Variants in KAZN observed in about 807,000 individuals in gnomAD.
KAZN encodes the protein kazrin.
In KAZN, 40 loss-of-function variants were observed where a neutral mutation model predicts 87.4. That is an observed-to-expected ratio of 0.46 (90% confidence interval 0.36 to 0.60). The LOEUF (loss-of-function observed/expected upper bound fraction) is 0.60, where lower values mean the gene tolerates loss of function less well. Ranked by LOEUF, KAZN falls within the 20% of genes least tolerant of loss-of-function variation. The pLI, the probability that KAZN is intolerant of heterozygous loss-of-function variation, is 0.00. For synonymous variants in KAZN, 466 were observed against 458.3 expected, an observed-to-expected ratio of 1.02 and a Z score of -0.22; for missense variants, 898 against 1,073.9, an observed-to-expected ratio of 0.84 and a Z score of 2.29.
chr1:14,055,403 G>T (rs1642506112), intron 1 of KAZN, among the ~76,000 whole-genome samples: 1 of 152,212 alleles, frequency 6.6e-6, no homozygotes, highest in South Asian at 2.1e-4. Flanking sequence ...GTGGGTGCAT[G>T]ATATATGTGT....
At chr1:14,087,681 A>T (rs1570707214) in intron 1 of KAZN, among the ~76,000 whole-genome samples, 1 of 151,966 alleles carries the variant, frequency 6.6e-6, no homozygotes. Flanking sequence ...TTAAAATTTT[A>T]AAATTATTTT....
At chr1:15,028,748 A>G (rs1367883493) in intron 2 of KAZN, among the ~76,000 whole-genome samples, 1 of 152,170 alleles carries the variant, frequency 6.6e-6, no homozygotes, top group African/African-American at 2.4e-5. Flanking sequence ...CTTGGTCATT[A>G]GCCTGGCAGA....
At chr1:14,007,417 C>T (rs773670474) in intron 1 of KAZN, among the ~76,000 whole-genome samples, 10 of 152,114 alleles carry the variant, frequency 6.6e-5, no homozygotes, top group Non-Finnish European at 1.5e-4. Flanking sequence ...GATTAACTGT[C>T]TATGGCCAGC....
In KAZN at chr1:14,820,693, C is replaced by A. The variant is rs1019673794; in HGVS notation, c.227-139991C>A. On this transcript the variant is annotated intron_variant, in intron 1 of 14. Transcript: ENST00000376030. This position sits in a 1 kb window ranked among gnomAD's most constrained non-coding sequence, Gnocchi z 4.1. ...GAAGGCCCCAGCAAGGGAGGTATTC[C>A]TGTCTTGAGCAGAAGGTAAAGGTAG... is the stretch of plus-strand genomic sequence containing the variant. 3.3e-5 allele frequency among the ~76,000 whole-genome samples: 5 copies of A among 152,184 alleles called. No homozygotes were observed. Among genetic ancestry groups the A allele is most frequent in the Non-Finnish European group, 4.4e-5 (3 of 68,030 alleles).
In KAZN at chr1:15,101,769, A is replaced by C. The variant is rs1340731004; in HGVS notation, c.1774A>C (p.Arg592=). The C allele has an allele frequency of 1.3e-6, 2 of 1,571,194 alleles. No individual in the cohort carries two copies. Among genetic ancestry groups the C allele is most frequent in the Admixed American group, 1.9e-5 (1 of 53,976 alleles). ...IELLYQVNFS[R]EALQERRARC... ...GCTGCTGTACCAAGTGAACTTCAGC[A>C]GGGAGGTGAGGACCAGGGCACAGGG... The change falls in exon 11 of 15, where the codon AGG becomes CGG. Residue 592 remains arginine, a synonymous_variant. Transcript: ENST00000376030.
chr1:14,122,305 A>G (rs932782509), intron 1 of KAZN, among the ~76,000 whole-genome samples: 1 of 152,226 alleles, frequency 6.6e-6, no homozygotes. Flanking sequence ...AAACTTGAGT[A>G]ATTCAATAAA....
chr1:14,388,194 CCT>C (rs1467043349), intron 2 of KAZN, among the ~76,000 whole-genome samples: 1 of 152,122 alleles, frequency 6.6e-6, no homozygotes, highest in Non-Finnish European at 1.5e-5. Flanking sequence ...GCGAGCACCC[CCT>C]GACCTGCGCC....
chr1:14,925,288 G>C (rs1028485159), intron 1 of KAZN, among the ~76,000 whole-genome samples: 4 of 152,280 alleles, frequency 2.6e-5, no homozygotes, highest in Admixed American at 6.5e-5. Flanking sequence ...AGGAACCCCT[G>C]CGTCATCTTG....
chr1:14,088,243 C>T (rs924790620), intron 1 of KAZN, among the ~76,000 whole-genome samples: 4 of 151,628 alleles, frequency 2.6e-5, no homozygotes, highest in African/African-American at 7.3e-5. Context: ...TGATCTTAGA[C>T]CCTTCTTCTT....
intron 1 of KAZN, among the ~76,000 whole-genome samples, chr1:13,902,599 A>G (rs907824478): frequency 6.6e-6 from 1 of 152,214 alleles, no homozygotes; most frequent in African/African-American, 2.4e-5. Context: ...GCAAAAATAC[A>G]GGTAGGTAGA....
chr1:14,411,199 G>A (rs1664278433), intron 2 of KAZN, among the ~76,000 whole-genome samples: 2 of 152,148 alleles, frequency 1.3e-5, no homozygotes, highest in African/African-American at 4.8e-5. Context: ...AAACTTTAAT[G>A]TAGCCCAGAA....
At chr1:14,484,706 G>A (rs1197920715) in intron 2 of KAZN, among the ~76,000 whole-genome samples, 1 of 152,196 alleles carries the variant, frequency 6.6e-6, no homozygotes, top group Non-Finnish European at 1.5e-5. Flanking sequence ...CATGGCTGCG[G>A]TCAGCTGCAG....
chr1:14,466,977 A>G (rs930971774), intron 2 of KAZN, among the ~76,000 whole-genome samples: 7 of 152,238 alleles, frequency 4.6e-5, no homozygotes, highest in Non-Finnish European at 1.0e-4. Flanking sequence ...TCAAAAAAAA[A>G]TTAATTAAAT....
chr1:14,592,837 C>G (rs560650669), intron 2 of KAZN, among the ~76,000 whole-genome samples: 1 of 152,202 alleles, frequency 6.6e-6, no homozygotes, highest in Non-Finnish European at 1.5e-5. Flanking sequence ...GTCCCACGTA[C>G]GGATTCCTGG....
intron 2 of KAZN, among the ~76,000 whole-genome samples, chr1:14,317,567 T>C (rs1655741473): frequency 6.6e-6 from 1 of 152,024 alleles, no homozygotes; most frequent in Admixed American, 6.6e-5. Flanking sequence ...ATTATTTTGC[T>C]ATGTGTTTTC....
At chr1:14,281,042 AC>A (rs1054449300) in intron 2 of KAZN, among the ~76,000 whole-genome samples, 1 of 152,212 alleles carries the variant, frequency 6.6e-6, no homozygotes, top group Non-Finnish European at 1.5e-5. Context: ...AGCTTGGAAC[AC>A]TGAATGTTTG....
intron 2 of KAZN, among the ~76,000 whole-genome samples, chr1:14,229,259 T>C (rs1394702613): frequency 1.3e-5 from 2 of 152,210 alleles, no homozygotes; most frequent in African/African-American, 4.8e-5. Context: ...ACAAAACAAA[T>C]TTGTAATATA....
At position 15,063,565 on chromosome 1, in the gene KAZN, GC is replaced by G. The variant is rs746290712; in HGVS notation, c.1048-6del. The G allele has an allele frequency of 1.5e-5, 25 of 1,613,396 alleles. No individual in the cohort carries two copies. The highest frequency in any genetic ancestry group is 2.1e-5 in the Non-Finnish European group (25 of 1,179,468). On this transcript the variant is annotated splice_polypyrimidine_tract_variant and splice_region_variant and intron_variant, in intron 6 of 14. Coordinates refer to ENST00000376030, the MANE Select transcript of KAZN (RefSeq NM_201628.3). Reference sequence around the variant, plus strand: ...TGTTTCATCTTCCTCTTCTCCTCTGGCTACAGGGCGACAGTCCCGGCCCAGT... The same window carrying G: ...TGTTTCATCTTCCTCTTCTCCTCTGGTACAGGGCGACAGTCCCGGCCCAGT...
At chr1:14,353,873 A>C (rs1025191232) in intron 2 of KAZN, among the ~76,000 whole-genome samples, 5 of 152,198 alleles carry the variant, frequency 3.3e-5, no homozygotes, top group Non-Finnish European at 7.3e-5. Context: ...TGTAAATTCC[A>C]CCTATCCTAA....
Sources: allele counts gnomAD v4.1 joint callset (sites outside exome capture counted in the v4.1 genomes callset), GRCh38; gene constraint gnomAD v4.1.1; non-coding constraint Gnocchi (gnomAD v3.1); transcripts MANE v1.5; gene names NCBI Gene and HGNC (gene_info 2026-07-23, HGNC 2026-07-21).